The following KIF26B variants were observed in gnomAD, a reference collection of about 807,000 sequenced individuals.
The protein encoded by KIF26B is kinesin family member 26B.
In KIF26B, 63 loss-of-function variants were observed where a neutral mutation model predicts 151.2. That is an observed-to-expected ratio of 0.42 (90% CI 0.34 to 0.51). KIF26B has a LOEUF of 0.51. Ranked by LOEUF, KIF26B falls within the 20% of genes least tolerant of loss-of-function variation. KIF26B has a pLI of 0.07. For synonymous variants in KIF26B, 1,357 were observed against 1,262.1 expected, an observed-to-expected ratio of 1.08 and a Z score of -1.59; for missense variants, 2,813 against 2,913.6, an observed-to-expected ratio of 0.97 and a Z score of 0.79.
intron 9 of KIF26B, 85 bp from the exon 10 acceptor site, chr1:245,646,036 C>T: frequency 1.4e-6 from 2 of 1,436,480 alleles, no homozygotes; most frequent in Middle Eastern, 2.0e-4. Context: ...CATTTTGCCT[C>T]AGATTTCCCA....
chr1:245,171,718 G>A (rs563223256), intron 2 of KIF26B, among the ~76,000 whole-genome samples: 31 of 152,304 alleles, frequency 2.0e-4, no homozygotes, highest in African/African-American at 7.5e-4. Flanking sequence ...CCTACAGGGT[G>A]TCCAGCATTG....
At chr1:245,561,262 G>A (rs2042945616) in intron 5 of KIF26B, among the ~76,000 whole-genome samples, 1 of 152,186 alleles carries the variant, frequency 6.6e-6, no homozygotes, top group African/African-American at 2.4e-5. Flanking sequence ...AGGTGGGTGG[G>A]TGAGACAAGT....
intron 9 of KIF26B, among the ~76,000 whole-genome samples, chr1:245,634,858 G>C (rs2043818108): frequency 6.6e-6 from 1 of 151,842 alleles, no homozygotes; most frequent in African/African-American, 2.4e-5. Flanking sequence ...GGATTACAGT[G>C]TGCACCACTG....
At chr1:245,209,588 G>A (rs1669473667) in intron 2 of KIF26B, among the ~76,000 whole-genome samples, 1 of 152,124 alleles carries the variant, frequency 6.6e-6, no homozygotes, top group Non-Finnish European at 1.5e-5. Flanking sequence ...TTTTCCCTGG[G>A]GTGAGCCGGG....
At chr1:245,552,788 T>G (rs977167192) in intron 5 of KIF26B, among the ~76,000 whole-genome samples, 2 of 152,104 alleles carry the variant, frequency 1.3e-5, no homozygotes, top group African/African-American at 4.8e-5. Flanking sequence ...TTTATGGAGA[T>G]GGGGTTTTAC....
chr1:245,676,376 A>G (rs936128506), intron 10 of KIF26B: 13 of 152,358 alleles, frequency 8.5e-5, no homozygotes, highest in South Asian at 8.3e-4. Flanking sequence ...GGACACATAT[A>G]AGTGAACTCA....
chr1:245,540,937 CG>C lies in KIF26B; in HGVS notation c.1341del (p.Leu448TrpfsTer4). On this transcript the variant is annotated frameshift_variant, in exon 5 of 15. Transcript: ENST00000407071. LOFTEE classifies it high-confidence loss of function. The surrounding 1 kb of genome is among the most constrained non-coding windows in gnomAD (Gnocchi z 4.6). ...GCTGTCAACAAGGTGAAGGACACCC[CG>C]GGGCTGGGCAAGGTAGGACCATCCG... ...LRAVNKVKDT[P>X]GLGKVKVMLR... is the part of the protein sequence containing the mutation. The C allele has an allele frequency of 6.2e-7, 1 of 1,613,046 alleles. No individual in the cohort carries two copies. The highest frequency in any genetic ancestry group is 8.5e-7 in the Non-Finnish European group (1 of 1,179,230).
intron 2 of KIF26B, among the ~76,000 whole-genome samples, chr1:245,274,884 C>G (rs1218189384): frequency 1.3e-5 from 2 of 152,122 alleles, no homozygotes; most frequent in African/African-American, 4.8e-5. Flanking sequence ...GTTCTAGATC[C>G]TTGAGGAATT....
At chr1:245,503,332 A>C (rs551081290) in intron 4 of KIF26B, among the ~76,000 whole-genome samples, 1 of 152,332 alleles carries the variant, frequency 6.6e-6, no homozygotes, top group African/African-American at 2.4e-5. Flanking sequence ...ATTTGTATGA[A>C]GTGCCAAGCT....
At chr1:245,208,813 C>A (rs1383510880) in intron 2 of KIF26B, among the ~76,000 whole-genome samples, 1 of 152,112 alleles carries the variant, frequency 6.6e-6, no homozygotes, top group Admixed American at 6.6e-5. Flanking sequence ...ATGTGTGAGT[C>A]GCCACTATAG....
intron 9 of KIF26B, among the ~76,000 whole-genome samples, chr1:245,644,273 C>T (rs1308112664): frequency 1.3e-5 from 2 of 151,848 alleles, no homozygotes; most frequent in African/African-American, 4.8e-5. Flanking sequence ...ATCTGCCATT[C>T]ATCTCATCTA....
chr1:245,400,658 G>C (rs1673977333), intron 3 of KIF26B, among the ~76,000 whole-genome samples: 1 of 151,654 alleles, frequency 6.6e-6, no homozygotes, highest in South Asian at 2.1e-4. Context: ...TCAAAGACTT[G>C]GTACATTAAA....
chr1:245,172,006 G>A (rs1349863116), intron 2 of KIF26B, among the ~76,000 whole-genome samples: 3 of 152,164 alleles, frequency 2.0e-5, no homozygotes, highest in Non-Finnish European at 2.9e-5. Flanking sequence ...TTTAGACAGC[G>A]ACCTCCTGAC....
At chr1:245,217,150 C>G (rs1236706485) in intron 2 of KIF26B, among the ~76,000 whole-genome samples, 1 of 152,100 alleles carries the variant, frequency 6.6e-6, no homozygotes. Flanking sequence ...CTCATTTGCC[C>G]TAAACTAATG....
chr1:245,432,836 G>A (rs534843023), intron 4 of KIF26B, among the ~76,000 whole-genome samples: 32 of 152,220 alleles, frequency 2.1e-4, no homozygotes, highest in Non-Finnish European at 4.3e-4. Context: ...AAGGAGGAAT[G>A]TAAGGGGGAC....
intron 3 of KIF26B, among the ~76,000 whole-genome samples, chr1:245,415,450 A>C (rs1674393513): frequency 6.6e-6 from 1 of 152,130 alleles, no homozygotes. Flanking sequence ...TCTTGGTGGC[A>C]AGCAAGATGG....
At chr1:245,561,880 G>A (rs187337936) in intron 5 of KIF26B, among the ~76,000 whole-genome samples, 20 of 152,302 alleles carry the variant, frequency 1.3e-4, no homozygotes, top group Non-Finnish European at 2.8e-4. Flanking sequence ...TCTCACTACT[G>A]ACGTAAATGT....
In KIF26B at chr1:245,645,630, C is replaced by T. The variant is rs114706611; in HGVS notation, c.2099-491C>T. On this transcript the variant is annotated intron_variant, in intron 9 of 14. Coordinates refer to ENST00000407071, the MANE Select transcript of KIF26B (RefSeq NM_018012.4). ...GGTCTTCCCTGTCTCTGCACCTGGTCGTTACTTCTTCCTGATTTTTGTCTT... is the reference window on the plus strand; with the variant it reads ...GGTCTTCCCTGTCTCTGCACCTGGTTGTTACTTCTTCCTGATTTTTGTCTT... Among the ~76,000 whole-genome samples, 819 of 152,290 alleles carry T rather than the reference C, an allele frequency of 5.4e-3. 8 individuals carry two copies. The highest frequency in any genetic ancestry group is 0.018 in the African/African-American group (747 of 41,568).
chr1:245,226,988 G>C (rs1669889467), intron 2 of KIF26B, among the ~76,000 whole-genome samples: 1 of 152,190 alleles, frequency 6.6e-6, no homozygotes, highest in African/African-American at 2.4e-5. Flanking sequence ...TTGTCAGGCA[G>C]CATCTTTCAG....
Sources: gnomAD v4.1 joint callset for allele counts (sites outside exome capture counted in the v4.1 genomes callset) on GRCh38, gnomAD v4.1.1 for gene constraint, Gnocchi (gnomAD v3.1) non-coding constraint, MANE v1.5 for transcripts, NCBI Gene and HGNC (gene_info 2026-07-23, HGNC 2026-07-21) for gene names.